The following DNAH11 variants were observed in gnomAD, a reference collection of about 807,000 sequenced individuals.
The protein encoded by DNAH11 is dynein axonemal heavy chain 11, also known as axonemal beta dynein heavy chain 11.
DNAH11 carries 442 observed loss-of-function variants against 526.0 expected under a neutral mutation model. That is an observed-to-expected ratio of 0.84 (90% CI 0.78 to 0.91). DNAH11 has a LOEUF of 0.91. DNAH11 is among the 40% of genes least tolerant of loss of function. The probability of loss-of-function intolerance (pLI) is 0.00; values close to 1 mark genes in which losing one functional copy is unlikely to be tolerated. For missense variants in DNAH11, 6,989 were observed against 5,448.7 expected (o/e 1.28, Z -8.90); for synonymous variants, 2,461 against 1,935.9 (o/e 1.27, Z -7.12).
intron 73 of DNAH11, among the ~76,000 whole-genome samples, chr7:21,870,259 C>T (rs956716884): frequency 1.3e-5 from 2 of 152,156 alleles, no homozygotes; most frequent in Non-Finnish European, 2.9e-5. Flanking sequence ...GTTGGCCTCC[C>T]TTAGTGTCTC....
chr7:21,728,591 G>C (rs1464352105), intron 45 of DNAH11, among the ~76,000 whole-genome samples: 1 of 151,982 alleles, frequency 6.6e-6, no homozygotes, highest in Non-Finnish European at 1.5e-5. Flanking sequence ...ACCCATTCCA[G>C]TATCAACTCT....
intron 61 of DNAH11, among the ~76,000 whole-genome samples, chr7:21,796,018 C>T (rs546783517): frequency 6.6e-6 from 1 of 152,222 alleles, no homozygotes; most frequent in African/African-American, 2.4e-5. Flanking sequence ...GTATAAATGT[C>T]AGTGTGTGGG....
chr7:21,699,330 C>T (rs17150372), intron 36 of DNAH11, among the ~76,000 whole-genome samples: 6,052 of 152,194 alleles, frequency 0.04, 317 homozygotes, highest in African/African-American at 0.12. Flanking sequence ...TCTTGAAGAT[C>T]TATTGAAGTT....
intron 40 of DNAH11, among the ~76,000 whole-genome samples, chr7:21,709,003 T>C (rs566588427): frequency 6.6e-6 from 1 of 152,218 alleles, no homozygotes; most frequent in South Asian, 2.1e-4. Flanking sequence ...TTAGTCACTA[T>C]GGAAATTAGT....
At chr7:21,733,550 A>C (rs1319376716) in intron 45 of DNAH11, among the ~76,000 whole-genome samples, 1 of 152,224 alleles carries the variant, frequency 6.6e-6, no homozygotes, top group Non-Finnish European at 1.5e-5. Context: ...TTATCAACCA[A>C]GACTGCTGAA....
intron 62 of DNAH11, among the ~76,000 whole-genome samples, chr7:21,804,427 C>A (rs1031831907): frequency 1.3e-5 from 2 of 152,122 alleles, no homozygotes; most frequent in Non-Finnish European, 2.9e-5. Flanking sequence ...ATTTTTAAAA[C>A]CCTAACTTAT....
intron 69 of DNAH11, among the ~76,000 whole-genome samples, chr7:21,863,131 C>G (rs1387454472): frequency 6.6e-6 from 1 of 151,212 alleles, no homozygotes; most frequent in African/African-American, 2.4e-5. Context: ...CCCTTGCAGA[C>G]CACATTCCTA....
At chr7:21,627,566 T>C (rs900055462) in intron 25 of DNAH11, among the ~76,000 whole-genome samples, 5 of 152,210 alleles carry the variant, frequency 3.3e-5, no homozygotes. Context: ...CTTGGCACCT[T>C]AGTTGAAAAT....
intron 45 of DNAH11, among the ~76,000 whole-genome samples, chr7:21,733,960 C>T (rs1427312086): frequency 1.3e-5 from 2 of 152,136 alleles, no homozygotes; most frequent in Non-Finnish European, 2.9e-5. Flanking sequence ...GTTTTGGGAA[C>T]ATTGGACTTT....
intron 25 of DNAH11, among the ~76,000 whole-genome samples, chr7:21,626,341 A>G (rs1786332242): frequency 6.6e-6 from 1 of 152,158 alleles, no homozygotes; most frequent in South Asian, 2.1e-4. Context: ...TGTATATGCC[A>G]TTCTTAAATC....
In DNAH11 at chr7:21,601,184, C is replaced by A. The variant is rs776140118; in HGVS notation, c.3425+5C>A. The A allele has an allele frequency of 2.5e-6, 4 of 1,581,298 alleles. No homozygotes were observed. Among genetic ancestry groups the A allele is most frequent in the Non-Finnish European group, 3.4e-6 (4 of 1,170,156 alleles). On this transcript the variant is annotated splice_donor_5th_base_variant and intron_variant, in intron 17 of 81. Transcript: ENST00000409508. ...TTTGAGATTTGTCATTGACAGGTAG[C>A]CTTTTACTTTGGTTTTTGGAATTAT... is the stretch of plus-strand genomic sequence containing the variant.
At chr7:21,783,533 C>T (rs1443014258) in intron 57 of DNAH11, among the ~76,000 whole-genome samples, 1 of 152,138 alleles carries the variant, frequency 6.6e-6, no homozygotes, top group Non-Finnish European at 1.5e-5. Flanking sequence ...GATCCTGGTG[C>T]CCAGTGCCAC....
chr7:21,744,332 T>A lies in DNAH11; in HGVS notation c.8155-106T>A, dbSNP rs181488837. Reference sequence around the variant, plus strand: ...CGCACATTACTATTGATGATATTTCTTTTAACCATTTGCTAAGTTCACATT... The same window carrying A: ...CGCACATTACTATTGATGATATTTCATTTAACCATTTGCTAAGTTCACATT... On this transcript the variant is annotated intron_variant, in intron 49 of 81. Coordinates refer to ENST00000409508, the MANE Select transcript of DNAH11 (RefSeq NM_001277115.2). 193 of 1,237,124 alleles carry A rather than the reference T, an allele frequency of 1.6e-4. No homozygotes were observed. The East Asian group carries it at 4.5e-3, about 29-fold the overall frequency. 76.6% of individuals were successfully genotyped at this position (1,237,124 alleles called of 1,614,324 possible). A position where few individuals can be genotyped will look rare whatever the true frequency, so the allele number is the denominator to read the frequency against.
chr7:21,640,236 C>G (rs1787061169), intron 28 of DNAH11, among the ~76,000 whole-genome samples: 1 of 152,132 alleles, frequency 6.6e-6, no homozygotes, highest in Admixed American at 6.6e-5. Context: ...CTTTTACATA[C>G]TTATTAGCAC....
intron 65 of DNAH11, among the ~76,000 whole-genome samples, chr7:21,835,731 A>G (rs377492235): frequency 8.1e-4 from 123 of 152,268 alleles, no homozygotes; most frequent in African/African-American, 2.8e-3. Flanking sequence ...CACCACTTCT[A>G]TTCAGCACAA....
At chr7:21,599,764 C>A (rs1785000378) in intron 14 of DNAH11, 23 bp from the exon 15 acceptor site, 3 of 1,463,552 alleles carry the variant, frequency 2.0e-6, no homozygotes, top group Non-Finnish European at 1.8e-6. Flanking sequence ...TATATTCATC[C>A]ACTAATACTT....
chr7:21,893,512 C>T (rs1279601081), intron 77 of DNAH11, among the ~76,000 whole-genome samples: 1 of 152,316 alleles, frequency 6.6e-6, no homozygotes, highest in East Asian at 1.9e-4. Context: ...GTGATGCCAG[C>T]TGGCAGGCAT....
rs1784277307 is a variant in DNAH11 at position 21,890,094 on chromosome 7, C to T, written c.12508-2331C>T. Among the ~76,000 whole-genome samples, 4 of 152,294 alleles carry T rather than the reference C, an allele frequency of 2.6e-5. No individual in the cohort carries two copies. In the South Asian group the frequency reaches 8.3e-4, roughly 32 times the overall value. On this transcript the variant is annotated intron_variant, in intron 76 of 81. Transcript: ENST00000409508. ...AGCCTGCTGTGTGCTGAGCTGTTTG[C>T]ATACCTTATTAAATTCTTATGGCCA... is the stretch of plus-strand genomic sequence containing the variant.
rs569630912 is a variant in DNAH11 at position 21,834,255 on chromosome 7, C to T, written c.10692-8289C>T. 4.6e-5 allele frequency among the ~76,000 whole-genome samples: 7 copies of T among 152,126 alleles called. No homozygotes were observed. The East Asian group carries it at 7.7e-4, about 17-fold the overall frequency. ...GATTAAAAAATGTACTCCTAAACAACAAACGGGTCAAAAAGAAAAAGGAAA... is the reference window on the plus strand; with the variant it reads ...GATTAAAAAATGTACTCCTAAACAATAAACGGGTCAAAAAGAAAAAGGAAA... On this transcript the variant is annotated intron_variant, in intron 65 of 81. Coordinates refer to ENST00000409508, the MANE Select transcript of DNAH11 (RefSeq NM_001277115.2).
Sources: allele counts gnomAD v4.1 joint callset (sites outside exome capture counted in the v4.1 genomes callset), GRCh38; gene constraint gnomAD v4.1.1; transcripts MANE v1.5; gene names NCBI Gene and HGNC (gene_info 2026-07-23, HGNC 2026-07-21).